The following PCDHA4 variants were observed in gnomAD, a reference collection of about 807,000 sequenced individuals.
PCDHA4 encodes protocadherin alpha-4.
PCDHA4 carries 49 observed loss-of-function variants against 61.4 expected under a neutral mutation model. The ratio of observed to expected loss-of-function variants is 0.80; its 90% CI spans 0.63 to 1.01. PCDHA4 has a LOEUF of 1.01. PCDHA4 is among the 50% of genes least tolerant of loss of function. The pLI is 0.00. For missense variants in PCDHA4, 1,254 were observed against 1,235.8 expected (o/e 1.01, Z -0.22); for synonymous variants, 590 against 550.3 (o/e 1.07, Z -1.01).
At chr5:140,928,074 C>CT in intron 1 of PCDHA4, 1 of 1,614,216 alleles carries the variant, frequency 6.2e-7, no homozygotes, top group Non-Finnish European at 8.5e-7. Context: ...TTGACAACTA[C>CT]TACAGCCTGC....
intron 1 of PCDHA4, among the ~76,000 whole-genome samples, chr5:140,956,676 G>A (rs1281224695): frequency 5.3e-5 from 8 of 152,126 alleles, no homozygotes; most frequent in Admixed American, 2.0e-4. Flanking sequence ...GAGTTAGGGA[G>A]GAGTACCTCC....
intron 3 of PCDHA4, among the ~76,000 whole-genome samples, chr5:141,005,470 G>T (rs1563690887): frequency 6.6e-6 from 1 of 151,956 alleles, no homozygotes; most frequent in African/African-American, 2.4e-5. Flanking sequence ...TTGGGAGGCC[G>T]AGACGGGCGG....
intron 1 of PCDHA4, among the ~76,000 whole-genome samples, chr5:140,884,893 G>T (rs1186873075): frequency 1.3e-5 from 2 of 152,138 alleles, no homozygotes; most frequent in East Asian, 1.9e-4. Context: ...AGAATATTTT[G>T]TTTCTGTTGT....
chr5:140,911,485 A>G (rs1387982810), intron 1 of PCDHA4, among the ~76,000 whole-genome samples: 1 of 152,152 alleles, frequency 6.6e-6, no homozygotes, highest in East Asian at 1.9e-4. Context: ...ACTCAGGGCA[A>G]TCTTAGCAGG....
intron 1 of PCDHA4, among the ~76,000 whole-genome samples, chr5:140,950,457 A>C (rs1392302571): frequency 6.6e-6 from 1 of 152,048 alleles, no homozygotes; most frequent in Non-Finnish European, 1.5e-5. Flanking sequence ...ACTGTCTTCT[A>C]ATGCTCATAG....
intron 1 of PCDHA4, among the ~76,000 whole-genome samples, chr5:140,840,345 T>C (rs2150306031): frequency 3.9e-5 from 6 of 151,972 alleles, no homozygotes; most frequent in Non-Finnish European, 7.4e-5. Flanking sequence ...TGTTAGGGTA[T>C]ACAGGTAAAA....
chr5:140,824,549 T>C, intron 1 of PCDHA4: 1 of 178,800 alleles, frequency 5.6e-6, no homozygotes, highest in South Asian at 1.5e-4. Context: ...ACTCCTGGGC[T>C]CAAGTGATCC....
At chr5:140,994,485 C>T (rs573689251) in intron 3 of PCDHA4, among the ~76,000 whole-genome samples, 2 of 152,146 alleles carry the variant, frequency 1.3e-5, no homozygotes, top group South Asian at 2.1e-4. Flanking sequence ...GGTGGATTGC[C>T]TGAACCCAGG....
chr5:140,993,265 C>A (rs1196226593), intron 3 of PCDHA4, among the ~76,000 whole-genome samples: 1 of 152,062 alleles, frequency 6.6e-6, no homozygotes, highest in Non-Finnish European at 1.5e-5. Flanking sequence ...AAATTAGCTT[C>A]TTTGGTCTTT....
At chr5:140,987,592 G>A (rs150671243) in intron 3 of PCDHA4, among the ~76,000 whole-genome samples, 29 of 152,290 alleles carry the variant, frequency 1.9e-4, no homozygotes, top group Admixed American at 1.6e-3. Context: ...GAGAATAGTG[G>A]TGTCTACCTT....
intron 1 of PCDHA4, chr5:140,866,524 A>G (rs1232306409): frequency 2.0e-5 from 3 of 152,186 alleles, no homozygotes; most frequent in Non-Finnish European, 2.9e-5. Context: ...AAGCCATGAT[A>G]GAGCAGAATT....
chr5:140,829,322 A>G, intron 1 of PCDHA4: 1 of 1,614,248 alleles, frequency 6.2e-7, no homozygotes, highest in Non-Finnish European at 8.5e-7. Flanking sequence ...GGTGCTGGAC[A>G]GTGCCCTGGA....
intron 1 of PCDHA4, chr5:140,834,742 A>T: frequency 1.2e-6 from 2 of 1,614,196 alleles, no homozygotes; most frequent in Non-Finnish European, 1.7e-6. Flanking sequence ...TTCCATGTGG[A>T]CGTGGAGGTG....
intron 1 of PCDHA4, among the ~76,000 whole-genome samples, chr5:140,920,866 A>G (rs1584205398): frequency 6.6e-6 from 1 of 151,760 alleles, no homozygotes; most frequent in African/African-American, 2.4e-5. Context: ...AAACAAACAA[A>G]CTGTGGCCCT....
At chr5:140,974,808 G>A (rs1229375180) in intron 1 of PCDHA4, among the ~76,000 whole-genome samples, 1 of 152,090 alleles carries the variant, frequency 6.6e-6, no homozygotes, top group Non-Finnish European at 1.5e-5. Context: ...TATACTAGAA[G>A]ACCAATATGC....
At chr5:140,931,269 C>T (rs1253190149) in intron 1 of PCDHA4, among the ~76,000 whole-genome samples, 1 of 152,006 alleles carries the variant, frequency 6.6e-6, no homozygotes, top group Non-Finnish European at 1.5e-5. Context: ...CTATTTATTT[C>T]TTTTATTTTC....
chr5:140,919,480 T>C (rs1745975489), intron 1 of PCDHA4, among the ~76,000 whole-genome samples: 1 of 152,198 alleles, frequency 6.6e-6, no homozygotes, highest in Admixed American at 6.5e-5. Context: ...TATTTGGATT[T>C]ATGTTTGTTA....
At chr5:140,871,735 A>T in intron 1 of PCDHA4, 1 of 686,792 alleles carries the variant, frequency 1.5e-6, no homozygotes, top group Non-Finnish European at 2.3e-6. Context: ...TTTGGTTAGC[A>T]AATCCTAAAA....
At chr5:140,821,026 A>C (rs2150108488) in intron 1 of PCDHA4, among the ~76,000 whole-genome samples, 88,279 of 151,604 alleles carry the variant, frequency 0.58, 26,451 homozygotes, top group African/African-American at 0.72. Flanking sequence ...GAAAATTAGA[A>C]CTCCGAGAAG....
Sources: gnomAD v4.1 joint callset for allele counts (sites outside exome capture counted in the v4.1 genomes callset) on GRCh38, gnomAD v4.1.1 for gene constraint, MANE v1.5 for transcripts, NCBI Gene and HGNC (gene_info 2026-07-23, HGNC 2026-07-21) for gene names.